Variants in NKX2-5 observed in about 807,000 individuals in gnomAD.
NKX2-5 encodes the protein NK2 homeobox 5.
Under a neutral mutation model 24.5 loss-of-function variants are expected in NKX2-5, and 3 were observed. That is an observed-to-expected ratio of 0.12 (90% CI 0.06 to 0.32). NKX2-5 has a LOEUF of 0.32. NKX2-5 is among the 10% of genes least tolerant of loss of function. The pLI is 1.00. For synonymous variants in NKX2-5, 215 were observed against 217.6 expected, an observed-to-expected ratio of 0.99 and a Z score of 0.11; for missense variants, 429 against 452.4, an observed-to-expected ratio of 0.95 and a Z score of 0.47.
Position 173,234,915 on chromosome 5 carries a change from C to G in NKX2-5, c.169G>C (p.Ala57Pro), listed in dbSNP as rs549161381. 1.2e-5 allele frequency: 20 copies of G among 1,609,854 alleles called. No homozygotes were observed. The African/African-American group carries it at 1.5e-4, about 12-fold the overall frequency. Residue 57 changes from alanine (A) to proline (P), a missense_variant, in exon 1 of 2, where the codon GCT becomes CCT. Coordinates refer to ENST00000329198, the MANE Select transcript of NKX2-5 (RefSeq NM_004387.4). Reference protein sequence around the residue: ...MLAAFKPEAYAGPEAAAPGLP... With the variant: ...MLAAFKPEAYPGPEAAAPGLP... Reference sequence around the variant, plus strand: ...CCCGGCGCAGCCGCCTCGGGCCCAGCGTAGGCCTCTGGCTTGAAGGCGGCC... The same window carrying G: ...CCCGGCGCAGCCGCCTCGGGCCCAGGGTAGGCCTCTGGCTTGAAGGCGGCC...
Position 173,232,471 on chromosome 5 carries a change from A to G in NKX2-5, c.*98T>C. On this transcript the variant is annotated 3_prime_UTR_variant, in exon 2 of 2. Coordinates refer to ENST00000329198, the MANE Select transcript of NKX2-5 (RefSeq NM_004387.4). This position sits in a 1 kb window ranked among gnomAD's most constrained non-coding sequence, Gnocchi z 5.9. ...CTCCGCAGGAGTGAATGCAAAATCC[A>G]GGGGACTCAGGGTCATGTTGGGAGC... 6.5e-7 allele frequency: 1 copy of G among 1,549,366 alleles called. No individual in the cohort carries two copies. Among genetic ancestry groups the G allele is most frequent in the Non-Finnish European group, 8.7e-7 (1 of 1,154,514 alleles).
Position 173,232,465 on chromosome 5 carries a change from A to C in NKX2-5, c.*104T>G, listed in dbSNP as rs914890122. The C allele has an allele frequency of 5.8e-6, 9 of 1,538,802 alleles. No homozygotes were observed. The highest frequency in any genetic ancestry group is 2.7e-5 in the African/African-American group (2 of 73,254). ...CTAGGTCTCCGCAGGAGTGAATGCA[A>C]AATCCAGGGGACTCAGGGTCATGTT... On this transcript the variant is annotated 3_prime_UTR_variant, in exon 2 of 2. Coordinates refer to ENST00000329198, the MANE Select transcript of NKX2-5 (RefSeq NM_004387.4). The surrounding 1 kb of genome is among the most constrained non-coding windows in gnomAD (Gnocchi z 5.9).
intron 1 of NKX2-5, 34 bp from the exon 2 acceptor site, chr5:173,233,243 G>A: frequency 2.5e-6 from 4 of 1,592,098 alleles, no homozygotes; most frequent in Non-Finnish European, 3.4e-6. Context: ...GAGACGCTTG[G>A]TAAGAGCGGC....
At chr5:173,233,504 G>GAAAAAAAAA in intron 1 of NKX2-5, 1 of 583,560 alleles carries the variant, frequency 1.7e-6, no homozygotes, top group Non-Finnish European at 2.6e-6. Context: ...ATTTCAGGCT[G>GAAAAAAAAA]CAAAAAAAAA....
chr5:173,233,524 T>C, intron 1 of NKX2-5: 2 of 568,966 alleles, frequency 3.5e-6, no homozygotes, highest in Non-Finnish European at 2.9e-6. Flanking sequence ...AAAAAATAAA[T>C]AAAAAAATAA....
chr5:173,233,911 C>T, intron 1 of NKX2-5: 1 of 1,182,232 alleles, frequency 8.5e-7, no homozygotes, highest in Non-Finnish European at 1.1e-6. Flanking sequence ...CCCAGCGCTT[C>T]GCCCAGCGCC....
At chr5:173,233,345 A>G in intron 1 of NKX2-5, 136 bp from the exon 2 acceptor site, 2 of 1,536,796 alleles carry the variant, frequency 1.3e-6, no homozygotes, top group Non-Finnish European at 1.7e-6. Context: ...GCTGCGGCTC[A>G]CTCTGCCAAG....
In NKX2-5 at chr5:173,235,162, T is replaced by C; in HGVS notation, c.-79A>G. The C allele has an allele frequency of 7.0e-7, 1 of 1,424,816 alleles. No homozygotes were observed. The highest frequency in any genetic ancestry group is 9.4e-7 in the Non-Finnish European group (1 of 1,059,870). 88.3% of individuals were successfully genotyped at this position (1,424,816 alleles called of 1,614,324 possible). A position where few individuals can be genotyped will look rare whatever the true frequency, so the allele number is the denominator to read the frequency against. On this transcript the variant is annotated 5_prime_UTR_variant, in exon 1 of 2. It removes an upstream start codon present in the reference 5' UTR. Transcript: ENST00000329198. Reference sequence around the variant, plus strand: ...CACGGCCCCTGGCAGCTTCCCTGCATGGTGCCGCCGCCCGCCCGCGCACCC... The same window carrying C: ...CACGGCCCCTGGCAGCTTCCCTGCACGGTGCCGCCGCCCGCCCGCGCACCC...
chr5:173,232,895 T>A lies in NKX2-5; in HGVS notation c.649A>T (p.Arg217Trp). The A allele has an allele frequency of 6.2e-7, 1 of 1,608,760 alleles. No homozygotes were observed. The highest frequency in any genetic ancestry group is 8.5e-7 in the Non-Finnish European group (1 of 1,178,254). The change falls in exon 2 of 2, where the codon AGG becomes TGG. Residue 217 changes from arginine to tryptophan, a missense_variant. This residue lies in a region of NKX2-5 where 183 missense variants were observed against 185.9 expected (regional missense o/e 0.98). Coordinates refer to ENST00000329198, the MANE Select transcript of NKX2-5 (RefSeq NM_004387.4). The surrounding 1 kb of genome is among the most constrained non-coding windows in gnomAD (Gnocchi z 5.9). ...CGCACCAGCACTGGCACCGCGATCC[T>A]GCGGGCAGGCGGCGGCGGCGGCGGG... ...LPPPPPPPAR[R>W]IAVPVLVRDG...
chr5:173,234,687 C>T lies in NKX2-5; in HGVS notation c.334+63G>A, dbSNP rs72554031. 0.012 allele frequency: 17,135 copies of T among 1,387,828 alleles called. 131 individuals carry two copies. The highest frequency in any genetic ancestry group is 0.013 in the Non-Finnish European group (14,028 of 1,046,122). 86.0% of individuals were successfully genotyped at this position (1,387,828 alleles called of 1,614,324 possible). On this transcript the variant is annotated intron_variant, in intron 1 of 1. Transcript: ENST00000329198. ...GGGCGCGTGTCTCCTCCTCCTGGCCCTGAGTTTCTTGGGGACGAAAGCGAC... is the reference window on the plus strand; with the variant it reads ...GGGCGCGTGTCTCCTCCTCCTGGCCTTGAGTTTCTTGGGGACGAAAGCGAC...
At position 173,232,559 on chromosome 5, in the gene NKX2-5, G is replaced by A. The variant is rs752388966; in HGVS notation, c.*10C>T. 3 of 1,605,232 alleles carry A rather than the reference G, an allele frequency of 1.9e-6. No homozygotes were observed. In the Admixed American group the frequency reaches 5.0e-5, roughly 27 times the overall value. ...GGATCGGTCAGGGTCGCGCCACGCG[G>A]GTCCCTTCCCTACCAGGCTCGGATA... On this transcript the variant is annotated 3_prime_UTR_variant, in exon 2 of 2. Coordinates refer to ENST00000329198, the MANE Select transcript of NKX2-5 (RefSeq NM_004387.4). The surrounding 1 kb of genome is among the most constrained non-coding windows in gnomAD (Gnocchi z 5.9).
At chr5:173,233,279 G>T in intron 1 of NKX2-5, 70 bp from the exon 2 acceptor site, 1 of 1,557,978 alleles carries the variant, frequency 6.4e-7, no homozygotes, top group African/African-American at 1.3e-5. Context: ...CGGCCGCACA[G>T]TAATGGTAAG....
Position 173,232,768 on chromosome 5 carries a change from T to A in NKX2-5, c.776A>T (p.Tyr259Phe), listed in dbSNP as rs553883993. Residue 259 changes from tyrosine (Y) to phenylalanine (F), a missense_variant, in exon 2 of 2, where the codon TAC (tyrosine) becomes TTC (phenylalanine). Around this residue, in one of 3 missense-constraint regions of NKX2-5, gnomAD observed 183 missense variants for 185.9 expected, o/e 0.98. Transcript: ENST00000329198. This position sits in a 1 kb window ranked among gnomAD's most constrained non-coding sequence, Gnocchi z 5.9. Reference sequence around the variant, plus strand: ...GCCAGGGCTGCAGGCCGCGCCGCCGTAACCCGGATAGGCGGGGTAGGCGTT... The same window carrying A: ...GCCAGGGCTGCAGGCCGCGCCGCCGAAACCCGGATAGGCGGGGTAGGCGTT... ...GYNAYPAYPG[Y>F]GGAACSPGYS... is the part of the protein sequence containing the mutation. 32 of 1,609,684 alleles carry A rather than the reference T, an allele frequency of 2.0e-5. No individual in the cohort carries two copies. In the Middle Eastern group the frequency reaches 5.0e-4, roughly 25 times the overall value.
At chr5:173,233,747 G>T in intron 1 of NKX2-5, 1 of 740,050 alleles carries the variant, frequency 1.4e-6, no homozygotes, top group Non-Finnish European at 1.7e-6. Context: ...TGTCCAAGAA[G>T]CTGCGGGTGG....
rs765129454 is a variant in NKX2-5 at position 173,234,897 on chromosome 5, C to T, written c.187G>A (p.Ala63Thr). ...PEAYAGPEAA[A>T]PGLPELRAEL... ...GCGCGCAGCTCTGGGAGGCCCGGCG[C>T]AGCCGCCTCGGGCCCAGCGTAGGCC... is the stretch of plus-strand genomic sequence containing the variant. Residue 63 changes from alanine (A) to threonine (T), a missense_variant, in exon 1 of 2, where the codon GCG becomes ACG. Ala to Thr is a moderately conservative substitution (Grantham distance 58, BLOSUM62 0). Around this residue, in one of 3 missense-constraint regions of NKX2-5, gnomAD observed 240 missense variants for 240.4 expected, o/e 1.00. Transcript: ENST00000329198. 1 of 1,606,988 alleles carries T rather than the reference C, an allele frequency of 6.2e-7. No individual in the cohort carries two copies. The highest frequency in any genetic ancestry group is 8.5e-7 in the Non-Finnish European group (1 of 1,176,746).
In NKX2-5 at chr5:173,232,671, G is replaced by A; in HGVS notation, c.873C>T (p.Asn291=). The A allele has an allele frequency of 1.2e-6, 2 of 1,612,000 alleles. No homozygotes were observed. The highest frequency in any genetic ancestry group is 1.7e-6 in the Non-Finnish European group (2 of 1,178,690). ...AQPATAAANN[N]FVNFGVGDLN... The stretch of plus-strand genomic sequence containing the variant: ...AGTCCCCGACGCCGAAGTTCACGAA[G>A]TTGTTGTTGGCGGCGGCAGTGGCCG... Residue 291 remains asparagine (N), a synonymous_variant, in exon 2 of 2, where the codon AAC becomes AAT. Coordinates refer to ENST00000329198, the MANE Select transcript of NKX2-5 (RefSeq NM_004387.4). The surrounding 1 kb of genome is among the most constrained non-coding windows in gnomAD (Gnocchi z 5.9).
Position 173,232,404 on chromosome 5 carries a change from G to T in NKX2-5, c.*165C>A. 1 of 1,290,464 alleles carries T rather than the reference G, an allele frequency of 7.7e-7. No homozygotes were observed. 79.9% of individuals were successfully genotyped at this position (1,290,464 alleles called of 1,614,324 possible). A position where few individuals can be genotyped will look rare whatever the true frequency, so the allele number is the denominator to read the frequency against. Reference sequence around the variant, plus strand: ...TAATCGCCGCCACAAACTCTCCCGTGCGCAAGAACAAACGCGCGTGGGACA... The same window carrying T: ...TAATCGCCGCCACAAACTCTCCCGTTCGCAAGAACAAACGCGCGTGGGACA... On this transcript the variant is annotated 3_prime_UTR_variant, in exon 2 of 2. Coordinates refer to ENST00000329198, the MANE Select transcript of NKX2-5 (RefSeq NM_004387.4). The surrounding 1 kb of genome is among the most constrained non-coding windows in gnomAD (Gnocchi z 5.9).
intron 1 of NKX2-5, chr5:173,234,127 G>C: frequency 7.8e-7 from 1 of 1,289,216 alleles, no homozygotes; most frequent in Non-Finnish European, 1.0e-6. Flanking sequence ...CCCTGGCCGC[G>C]CCGGCAAGTT....
In NKX2-5 at chr5:173,233,513, A is replaced by T. The variant is rs547572698; in HGVS notation, c.335-304T>A. The T allele has an allele frequency of 1.7e-5, 15 of 868,388 alleles. 1 individual carries two copies. The highest frequency in any genetic ancestry group is 1.1e-4 in the East Asian group (4 of 37,236). 53.8% of individuals were successfully genotyped at this position (868,388 alleles called of 1,614,324 possible). Reference sequence around the variant, plus strand: ...CTTAAAATTTCAGGCTGCAAAAAAAAAAAAAATAAATAAAAAAATAAAAAA... The same window carrying T: ...CTTAAAATTTCAGGCTGCAAAAAAATAAAAAATAAATAAAAAAATAAAAAA... On this transcript the variant is annotated intron_variant, in intron 1 of 1. Transcript: ENST00000329198.
Sources: allele counts gnomAD v4.1 joint callset, GRCh38; gene constraint gnomAD v4.1.1; regional missense constraint gnomAD v4.1.1; non-coding constraint Gnocchi (gnomAD v3.1); transcripts MANE v1.5; gene names NCBI Gene and HGNC (gene_info 2026-07-23, HGNC 2026-07-21).